Variants in ANGPT2 observed in about 807,000 individuals in gnomAD.
ANGPT2 encodes the protein angiopoietin 2.
ANGPT2 carries 28 observed loss-of-function variants against 62.9 expected under a neutral mutation model. The observed-to-expected ratio is 0.44, with a 90% CI of 0.33 to 0.61. The LOEUF (loss-of-function observed/expected upper bound fraction) is 0.61, where lower values mean the gene tolerates loss of function less well. Among genes scored for constraint, ANGPT2 ranks in the 20% least tolerant of loss-of-function variants. The probability of loss-of-function intolerance (pLI) is 0.03; values close to 1 mark genes in which losing one functional copy is unlikely to be tolerated. For synonymous variants in ANGPT2, 284 were observed against 207.8 expected, an observed-to-expected ratio of 1.37 and a Z score of -3.15; for missense variants, 727 against 594.9, an observed-to-expected ratio of 1.22 and a Z score of -2.31.
At chr8:6,516,905 C>T (rs1434864749) in intron 5 of ANGPT2, among the ~76,000 whole-genome samples, 2 of 152,168 alleles carry the variant, frequency 1.3e-5, no homozygotes, top group African/African-American at 2.4e-5. Context: ...AGAGTCACTG[C>T]CAGCACATAA....
In ANGPT2 at chr8:6,532,427, C is replaced by T. The variant is rs748039365; in HGVS notation, c.349G>A (p.Val117Ile). 5.6e-6 allele frequency: 9 copies of T among 1,614,012 alleles called. No homozygotes were observed. Among genetic ancestry groups the T allele is most frequent in the African/African-American group, 2.7e-5 (2 of 74,910 alleles). Residue 117 changes from valine to isoleucine, a missense_variant, in exon 2 of 9, where the codon GTA (valine) becomes ATA (isoleucine). By Grantham distance (29) the Val-to-Ile change is conservative. Transcript: ENST00000629816. ...ATCATCACAGCCGTCTGGTTCTGTA[C>T]TGCATTCTGCTGTATCTCTACCATT... is the stretch of plus-strand genomic sequence containing the variant. ...KEMVEIQQNAVQNQTAVMIEI... is the reference protein window; with the variant it reads ...KEMVEIQQNAIQNQTAVMIEI...
chr8:6,562,752 C>T lies in ANGPT2; in HGVS notation c.183G>A (p.Val61=). 3 of 1,613,780 alleles carry T rather than the reference C, an allele frequency of 1.9e-6. No homozygotes were observed. In the South Asian group the frequency reaches 3.3e-5, roughly 18 times the overall value. The change falls in exon 1 of 9, where the codon GTG becomes GTA. Residue 61 remains valine (V), a synonymous_variant. Coordinates refer to ENST00000629816, the MANE Select transcript of ANGPT2 (RefSeq NM_001118887.2). The part of the protein sequence containing the change: ...DNCRSSSSPY[V]SNAVQRDAPL... The stretch of plus-strand genomic sequence containing the variant: ...GCGCGTCCCTCTGCACAGCATTGGA[C>T]ACGTAGGGGCTGGAGGAAGAGCGGC...
intron 1 of ANGPT2, among the ~76,000 whole-genome samples, chr8:6,559,483 C>T (rs1422196101): frequency 2.0e-5 from 3 of 152,180 alleles, no homozygotes; most frequent in African/African-American, 7.2e-5. Flanking sequence ...CACTTTCCAG[C>T]CTGTTCTTGT....
chr8:6,540,970 G>A (rs1273668282), intron 1 of ANGPT2, among the ~76,000 whole-genome samples: 1 of 152,244 alleles, frequency 6.6e-6, no homozygotes, highest in Non-Finnish European at 1.5e-5. Flanking sequence ...CTGTCCCCAG[G>A]GGGCAGGTGG....
At chr8:6,560,460 C>T in intron 1 of ANGPT2, among the ~76,000 whole-genome samples, 1 of 152,278 alleles carries the variant, frequency 6.6e-6, no homozygotes, top group Non-Finnish European at 1.5e-5. Context: ...CATTTAATCA[C>T]TTTAAGTGGG....
rs936485639 is a variant in ANGPT2 at position 6,507,115 on chromosome 8, C to T, written c.1327+1817G>A. Among the ~76,000 whole-genome samples, 6 of 152,142 alleles carry T rather than the reference C, an allele frequency of 3.9e-5. No individual in the cohort carries two copies. The East Asian group carries it at 1.2e-3, about 29-fold the overall frequency. ...GTTTTGCCATGTTGGCCAGGCTGGT[C>T]TCAAACTCCTGACCTCAGGTGATCC... On this transcript the variant is annotated intron_variant, in intron 8 of 8. Coordinates refer to ENST00000629816, the MANE Select transcript of ANGPT2 (RefSeq NM_001118887.2).
At chr8:6,525,421 GTT>G (rs111961682) in intron 3 of ANGPT2, among the ~76,000 whole-genome samples, 12,289 of 152,178 alleles carry the variant, frequency 0.081, 643 homozygotes, top group African/African-American at 0.14. Flanking sequence ...GTAAAAATGA[GTT>G]CTCATTATAT....
chr8:6,525,063 G>C (rs955705417), intron 3 of ANGPT2, among the ~76,000 whole-genome samples: 1 of 152,200 alleles, frequency 6.6e-6, no homozygotes, highest in Non-Finnish European at 1.5e-5. Context: ...CTTTTAGTTC[G>C]AATGATCTGG....
At chr8:6,521,473 G>T (rs1817323486) in intron 3 of ANGPT2, 63 bp from the exon 4 acceptor site, 1 of 1,161,414 alleles carries the variant, frequency 8.6e-7, no homozygotes, top group Non-Finnish European at 1.2e-6. Context: ...TATATTTATT[G>T]AATTTCTACT....
chr8:6,546,024 T>C (rs1822521248), intron 1 of ANGPT2, among the ~76,000 whole-genome samples: 1 of 152,208 alleles, frequency 6.6e-6, no homozygotes, highest in Non-Finnish European at 1.5e-5. Flanking sequence ...CAGTACAGAT[T>C]TGAGAATCAA....
chr8:6,560,234 A>C (rs1264050692), intron 1 of ANGPT2, among the ~76,000 whole-genome samples: 1 of 152,168 alleles, frequency 6.6e-6, no homozygotes, highest in Non-Finnish European at 1.5e-5. Context: ...TTTTCAAAAA[A>C]TAGCTCAAAA....
At chr8:6,551,457 A>G (rs1186716069) in intron 1 of ANGPT2, among the ~76,000 whole-genome samples, 1 of 152,236 alleles carries the variant, frequency 6.6e-6, no homozygotes, top group Non-Finnish European at 1.5e-5. Context: ...TGTGTTTGTT[A>G]TTACCCAGAA....
chr8:6,505,504 TATATATAGAATATATATTCTTTATATATG>T (rs1813386045), intron 8 of ANGPT2, among the ~76,000 whole-genome samples: 1 of 4,500 alleles, frequency 2.2e-4, no homozygotes, highest in Non-Finnish European at 4.4e-4. Flanking sequence ...TTTATATATG[TATATATAGAATATATATTCTTTATATATG>T]TATATATAGA....
chr8:6,543,299 T>C (rs529656083), intron 1 of ANGPT2, among the ~76,000 whole-genome samples: 27 of 152,318 alleles, frequency 1.8e-4, no homozygotes, highest in African/African-American at 6.3e-4. Flanking sequence ...TGACCCGCCG[T>C]CCGCAAATGT....
chr8:6,539,675 C>T (rs1380582623), intron 1 of ANGPT2, among the ~76,000 whole-genome samples: 1 of 152,164 alleles, frequency 6.6e-6, no homozygotes, highest in Non-Finnish European at 1.5e-5. Context: ...CAACCTCTGC[C>T]TCCCTGGTTC....
chr8:6,500,192 A>C lies in ANGPT2; in HGVS notation c.*2909T>G. 4.4e-6 allele frequency: 2 copies of C among 458,746 alleles called. No individual in the cohort carries two copies. Among genetic ancestry groups the C allele is most frequent in the Non-Finnish European group, 8.0e-6 (2 of 250,418 alleles). The allele number at this position is 458,746 out of a possible 1,614,324, so 28.4% of individuals were successfully genotyped here. On this transcript the variant is annotated 3_prime_UTR_variant, in exon 9 of 9. Coordinates refer to ENST00000629816, the MANE Select transcript of ANGPT2 (RefSeq NM_001118887.2). The stretch of plus-strand genomic sequence containing the variant: ...ACATCCTCAGAACTGAGAAAAACAA[A>C]AATGAAAAAAGACTGAATTCTTGGG...
intron 7 of ANGPT2, among the ~76,000 whole-genome samples, chr8:6,512,675 C>G (rs915021976): frequency 2.6e-5 from 4 of 152,224 alleles, no homozygotes; most frequent in African/African-American, 7.2e-5. Flanking sequence ...CTTCACCGTA[C>G]TTATCTTGCA....
chr8:6,526,865 C>G (rs925118443), intron 3 of ANGPT2, among the ~76,000 whole-genome samples: 1 of 152,120 alleles, frequency 6.6e-6, no homozygotes, highest in Non-Finnish European at 1.5e-5. Flanking sequence ...AAAACAGTCC[C>G]CACCTATCCC....
chr8:6,508,113 T>A (rs868255693), intron 8 of ANGPT2: 1 of 152,252 alleles, frequency 6.6e-6, no homozygotes, highest in South Asian at 2.1e-4. Flanking sequence ...TTAACTCATT[T>A]GTGTTTATAG....
Sources: allele counts gnomAD v4.1 joint callset (sites outside exome capture counted in the v4.1 genomes callset), GRCh38; gene constraint gnomAD v4.1.1; transcripts MANE v1.5; gene names NCBI Gene and HGNC (gene_info 2026-07-23, HGNC 2026-07-21).